BAZ2B: variants seen among roughly 807,000 people sequenced by gnomAD.
BAZ2B encodes bromodomain adjacent to zinc finger domain protein 2B.
BAZ2B carries 91 observed loss-of-function variants against 246.0 expected under a neutral mutation model. That is an observed-to-expected ratio of 0.37 (90% CI 0.31 to 0.44). The LOEUF is 0.44. BAZ2B is among the 20% of genes least tolerant of loss of function. The pLI is 1.00. For missense variants in BAZ2B, 2,332 were observed against 2,533.7 expected, an observed-to-expected ratio of 0.92 and a Z score of 1.71; for synonymous variants, 855 against 860.0, an observed-to-expected ratio of 0.99 and a Z score of 0.10.
the BAZ2B span, among the ~76,000 whole-genome samples, chr2:159,703,882 T>A: frequency 6.6e-6 from 1 of 152,112 alleles, no homozygotes; most frequent in South Asian, 2.1e-4. Flanking sequence ...AATTTTTTTT[T>A]GAAAAGTACA....
At chr2:159,578,039 CA>C (rs1415427010) in intron 1 of BAZ2B, among the ~76,000 whole-genome samples, 5 of 152,136 alleles carry the variant, frequency 3.3e-5, no homozygotes, top group African/African-American at 1.2e-4. Context: ...AACCTAAAGA[CA>C]TAGAAACTTT....
chr2:159,412,621 T>TACATGTA (rs2066996032), intron 13 of BAZ2B, 76 bp from the exon 14 acceptor site: 11 of 1,384,944 alleles, frequency 7.9e-6, no homozygotes, highest in Admixed American at 2.2e-5. Context: ...AAGAAAATTC[T>TACATGTA]AGCTAAAAAT....
chr2:159,595,687 C>T (rs1408258604), intron 1 of BAZ2B, among the ~76,000 whole-genome samples: 4 of 152,198 alleles, frequency 2.6e-5, no homozygotes, highest in African/African-American at 7.2e-5. Context: ...TGCCTCTTTA[C>T]ATATTTTAAA....
chr2:159,478,731 G>A lies in BAZ2B; in HGVS notation c.-2-10C>T, dbSNP rs756213704. 5 of 1,488,148 alleles carry A rather than the reference G, an allele frequency of 3.4e-6. No individual in the cohort carries two copies. The South Asian group carries it at 4.5e-5, about 13-fold the overall frequency. The allele number at this position is 1,488,148 out of a possible 1,614,324, so 92.2% of individuals were successfully genotyped here. On this transcript the variant is annotated splice_polypyrimidine_tract_variant and intron_variant, in intron 2 of 36. Transcript: ENST00000392783. ...TCTCCAGACTCCATATCTATGAGAA[G>A]GGAAAATGTTAATTCTCAGTATCAG...
Position 159,419,532 on chromosome 2 carries a change from C to A in BAZ2B, c.2467-6987G>T, listed in dbSNP as rs116759163. ...ACACTAGTCATATAGCTTATTATAC[C>A]ATACACTACATAGCACTTTAAAGAT... On this transcript the variant is annotated intron_variant, in intron 13 of 36. Transcript: ENST00000392783. Among the ~76,000 whole-genome samples, 569 of 152,200 alleles carry A rather than the reference C, an allele frequency of 3.7e-3. 6 individuals are homozygous for A. Among genetic ancestry groups the A allele is most frequent in the African/African-American group, 0.013 (534 of 41,524 alleles).
chr2:159,421,879 G>A (rs761876698), intron 13 of BAZ2B, among the ~76,000 whole-genome samples: 10 of 152,154 alleles, frequency 6.6e-5, no homozygotes, highest in South Asian at 2.1e-4. Flanking sequence ...ACTGATAAAC[G>A]AGTTCAGTAA....
intron 2 of BAZ2B, among the ~76,000 whole-genome samples, chr2:159,492,290 G>A (rs999678563): frequency 1.3e-5 from 2 of 152,248 alleles, no homozygotes; most frequent in Admixed American, 1.3e-4. Flanking sequence ...TGACACCCCT[G>A]ACAAGGATAC....
intron 25 of BAZ2B, among the ~76,000 whole-genome samples, chr2:159,380,863 G>A (rs1044961238): frequency 1.3e-5 from 2 of 152,280 alleles, no homozygotes; most frequent in South Asian, 2.1e-4. Context: ...TTGGAAGCTT[G>A]TATCTGGTTT....
intron 6 of BAZ2B, 135 bp from the exon 7 acceptor site, chr2:159,439,347 G>A (rs751299834): frequency 2.3e-4 from 179 of 775,064 alleles, no homozygotes; most frequent in Non-Finnish European, 3.5e-4. Context: ...GTCACATATC[G>A]TAAGGATAAT....
the BAZ2B span, among the ~76,000 whole-genome samples, chr2:159,685,385 C>T: frequency 6.6e-6 from 1 of 152,066 alleles, no homozygotes; most frequent in Non-Finnish European, 1.5e-5. Context: ...GTGCATCTTA[C>T]AACATTCAGC....
chr2:159,697,044 C>T, the BAZ2B span, among the ~76,000 whole-genome samples: 3 of 152,186 alleles, frequency 2.0e-5, no homozygotes, highest in South Asian at 6.2e-4. Flanking sequence ...CCTCAGCCTC[C>T]CAAAGTGCTG....
At chr2:159,654,024 CAACAA>C in the BAZ2B span, among the ~76,000 whole-genome samples, 1 of 152,092 alleles carries the variant, frequency 6.6e-6, no homozygotes, top group Non-Finnish European at 1.5e-5. Context: ...GAGCTTTAAA[CAACAA>C]TAAGCCAAAA....
chr2:159,580,865 T>C (rs1686593920), intron 1 of BAZ2B, among the ~76,000 whole-genome samples: 1 of 152,300 alleles, frequency 6.6e-6, no homozygotes, highest in Non-Finnish European at 1.5e-5. Flanking sequence ...GCTAGCCATA[T>C]GTAGAAAGCT....
intron 2 of BAZ2B, among the ~76,000 whole-genome samples, chr2:159,513,358 T>C (rs1044949312): frequency 5.3e-5 from 8 of 152,214 alleles, no homozygotes; most frequent in Admixed American, 4.6e-4. Context: ...TGCTCTCAAA[T>C]TTCACTATAA....
the BAZ2B span, among the ~76,000 whole-genome samples, chr2:159,672,793 A>G: frequency 6.6e-6 from 1 of 152,210 alleles, no homozygotes; most frequent in Non-Finnish European, 1.5e-5. Flanking sequence ...TAATGTTGAG[A>G]TAACTAGATA....
chr2:159,528,641 C>A, intron 2 of BAZ2B, among the ~76,000 whole-genome samples: 1 of 150,434 alleles, frequency 6.6e-6, no homozygotes, highest in Non-Finnish European at 1.5e-5. Context: ...CAAGCTCGCG[C>A]CACTGTACTC....
chr2:159,336,231 A>C (rs977769157), intron 33 of BAZ2B, among the ~76,000 whole-genome samples: 8 of 152,224 alleles, frequency 5.3e-5, no homozygotes, highest in African/African-American at 1.9e-4. Context: ...TATATATGAT[A>C]ATATAAAAGA....
intron 14 of BAZ2B, among the ~76,000 whole-genome samples, chr2:159,406,347 C>A (rs2065931439): frequency 1.3e-5 from 2 of 152,182 alleles, no homozygotes; most frequent in South Asian, 4.1e-4. Context: ...TGTGAACAAG[C>A]CCAGCCAAGA....
intron 1 of BAZ2B, among the ~76,000 whole-genome samples, chr2:159,584,947 T>G (rs7576644): frequency 6.6e-6 from 1 of 152,020 alleles, no homozygotes; most frequent in African/African-American, 2.4e-5. Flanking sequence ...TCTCCCCCTT[T>G]GCCTGCTGTC....
Sources: allele counts gnomAD v4.1 joint callset (sites outside exome capture counted in the v4.1 genomes callset), GRCh38; gene constraint gnomAD v4.1.1; transcripts MANE v1.5; gene names NCBI Gene and HGNC (gene_info 2026-07-23, HGNC 2026-07-21).